PRKG1: variants seen among roughly 807,000 people sequenced by gnomAD.
The protein encoded by PRKG1 is cGMP-dependent protein kinase 1.
A neutral mutation model predicts 88.1 loss-of-function variants in PRKG1; 35 were observed. The ratio of observed to expected loss-of-function variants is 0.40; its 90% confidence interval spans 0.30 to 0.53. PRKG1 has a LOEUF of 0.53. PRKG1 is among the 20% of genes least tolerant of loss of function. The pLI, the probability that PRKG1 is intolerant of heterozygous loss-of-function variation, is 0.59. For synonymous variants in PRKG1, 303 were observed against 292.5 expected (o/e 1.04, Z -0.37); for missense variants, 540 against 839.8 (o/e 0.64, Z 4.41).
chr10:52,234,010 AC>A (rs1224094335), intron 9 of PRKG1, among the ~76,000 whole-genome samples: 9 of 151,844 alleles, frequency 5.9e-5, no homozygotes, highest in African/African-American at 2.2e-4. Flanking sequence ...CTGACCCCTG[AC>A]CCCCGAGCAG....
At chr10:51,224,438 C>A (rs1183503116) in intron 2 of PRKG1, among the ~76,000 whole-genome samples, 1 of 152,168 alleles carries the variant, frequency 6.6e-6, no homozygotes, top group African/African-American at 2.4e-5. Context: ...ATATTTATTG[C>A]TCAGAGATTT....
intron 5 of PRKG1, among the ~76,000 whole-genome samples, chr10:51,919,598 A>C (rs1301949636): frequency 6.6e-6 from 1 of 151,804 alleles, no homozygotes; most frequent in Non-Finnish European, 1.5e-5. Flanking sequence ...ATTGCTAGGC[A>C]TGAGAGTGTT....
At position 51,628,940 on chromosome 10, in the gene PRKG1, T is replaced by C. The variant is rs1589144228; in HGVS notation, c.592+161104T>C. Among the ~76,000 whole-genome samples the C allele has an allele frequency of 2.1e-5, 3 of 141,734 alleles. No individual in the cohort carries two copies. The South Asian group carries it at 6.7e-4, about 31-fold the overall frequency. The allele number at this position is 141,734 out of a possible 152,430, so 93.0% of individuals were successfully genotyped here. A position where few individuals can be genotyped will look rare whatever the true frequency, so the allele number is the denominator to read the frequency against. On this transcript the variant is annotated intron_variant, in intron 3 of 17. Coordinates refer to ENST00000373980, the MANE Select transcript of PRKG1 (RefSeq NM_006258.4). ...CGCCACTGCAGTCCGCAGTCCGGCC[T>C]GGGCGACAGAGCGAGACTCCGTCTC...
intron 3 of PRKG1, among the ~76,000 whole-genome samples, chr10:51,471,701 A>G (rs1472987196): frequency 6.6e-6 from 1 of 151,952 alleles, no homozygotes; most frequent in East Asian, 1.9e-4. Flanking sequence ...GCCTGTAAAC[A>G]TTAAATTGAA....
At chr10:51,863,014 G>A (rs919957392) in intron 4 of PRKG1, among the ~76,000 whole-genome samples, 4 of 152,036 alleles carry the variant, frequency 2.6e-5, no homozygotes, top group African/African-American at 9.7e-5. Flanking sequence ...GGAGGGATCC[G>A]AGAATATAAA....
chr10:51,427,922 A>G (rs1838638457), intron 2 of PRKG1, among the ~76,000 whole-genome samples: 1 of 152,204 alleles, frequency 6.6e-6, no homozygotes, highest in Admixed American at 6.5e-5. Flanking sequence ...GGAAAATAGT[A>G]AAGATGCCAT....
At chr10:52,208,952 C>T (rs937185898) in intron 9 of PRKG1, among the ~76,000 whole-genome samples, 1 of 152,050 alleles carries the variant, frequency 6.6e-6, no homozygotes, top group Non-Finnish European at 1.5e-5. Flanking sequence ...TAAAAGTTTG[C>T]CTCTAAATGT....
At chr10:51,071,575 G>A (rs1564588347), upstream of PRKG1, among the ~76,000 whole-genome samples, 3 of 152,104 alleles carry the variant, frequency 2.0e-5, no homozygotes, top group Admixed American at 6.5e-5. Context: ...TTTATATCAT[G>A]AGATGTAAAT....
At chr10:51,785,130 T>C (rs560023931) in intron 3 of PRKG1, among the ~76,000 whole-genome samples, 21 of 151,686 alleles carry the variant, frequency 1.4e-4, no homozygotes, top group African/African-American at 5.1e-4. Context: ...TCTTCTTTTT[T>C]TTTTTTTTAA....
chr10:51,987,419 C>A (rs1399786482), intron 5 of PRKG1, among the ~76,000 whole-genome samples: 4 of 148,948 alleles, frequency 2.7e-5, no homozygotes, highest in African/African-American at 9.8e-5. Context: ...GTGGTAGAAG[C>A]TTTGTTAAAT....
chr10:51,903,129 A>G (rs1427632344), intron 4 of PRKG1, among the ~76,000 whole-genome samples: 4 of 152,188 alleles, frequency 2.6e-5, no homozygotes, highest in East Asian at 1.9e-4. Context: ...TGGGACATCT[A>G]CTAATACAGC....
intron 3 of PRKG1, among the ~76,000 whole-genome samples, chr10:51,755,290 GCCAT>G (rs1837830110): frequency 6.6e-6 from 1 of 152,208 alleles, no homozygotes; most frequent in South Asian, 2.1e-4. Flanking sequence ...ATCAATATTG[GCCAT>G]CTAGAGTACT....
chr10:52,066,701 T>G (rs1274112139), intron 7 of PRKG1, among the ~76,000 whole-genome samples: 1 of 152,190 alleles, frequency 6.6e-6, no homozygotes, highest in Non-Finnish European at 1.5e-5. Context: ...GCTGCTGCTC[T>G]GTAAGAATGT....
At chr10:51,208,275 A>C (rs1208275091) in intron 2 of PRKG1, among the ~76,000 whole-genome samples, 3 of 152,218 alleles carry the variant, frequency 2.0e-5, no homozygotes. Flanking sequence ...AAATGTTAGC[A>C]CAAAATGTGA....
chr10:51,453,396 T>C (rs1442860698), intron 2 of PRKG1, among the ~76,000 whole-genome samples: 1 of 152,034 alleles, frequency 6.6e-6, no homozygotes, highest in African/African-American at 2.4e-5. Context: ...CCTTGAGGTG[T>C]GATCTTAGGT....
At position 51,267,307 on chromosome 10, in the gene PRKG1, G is replaced by A. The variant is rs180958925; in HGVS notation, c.478+113977G>A. 3.9e-3 allele frequency among the ~76,000 whole-genome samples: 597 copies of A among 152,062 alleles called. 2 individuals carry two copies. Among genetic ancestry groups the A allele is most frequent in the Non-Finnish European group, 4.6e-3 (311 of 67,958 alleles). On this transcript the variant is annotated intron_variant, in intron 2 of 17. Transcript: ENST00000373980. Reference sequence around the variant, plus strand: ...TATAGTATATATGATTTTGTGACCCGATTTTTGTTAACATCATATAAACTT... The same window carrying A: ...TATAGTATATATGATTTTGTGACCCAATTTTTGTTAACATCATATAAACTT...
chr10:51,637,135 G>A (rs1463975816), intron 3 of PRKG1, among the ~76,000 whole-genome samples: 1 of 151,868 alleles, frequency 6.6e-6, no homozygotes, highest in Admixed American at 6.6e-5. Context: ...CTTCTCAAAA[G>A]AAGACATACT....
chr10:52,209,228 GA>G (rs1392473764), intron 9 of PRKG1, among the ~76,000 whole-genome samples: 1 of 152,182 alleles, frequency 6.6e-6, no homozygotes, highest in African/African-American at 2.4e-5. Flanking sequence ...TTGTAGTACA[GA>G]AGCAGTCACA....
intron 3 of PRKG1, among the ~76,000 whole-genome samples, chr10:51,761,693 TTTA>T (rs1838025849): frequency 6.6e-6 from 1 of 152,318 alleles, no homozygotes; most frequent in East Asian, 1.9e-4. Flanking sequence ...TTCATCGGAA[TTTA>T]TTTTTTTCTT....
Sources: gnomAD v4.1 joint callset for allele counts (sites outside exome capture counted in the v4.1 genomes callset) on GRCh38, gnomAD v4.1.1 for gene constraint, MANE v1.5 for transcripts, NCBI Gene and HGNC (gene_info 2026-07-23, HGNC 2026-07-21) for gene names.